The following KCTD8 variants were observed in gnomAD, a reference collection of about 807,000 sequenced individuals.
KCTD8 encodes the protein BTB/POZ domain-containing protein KCTD8.
KCTD8 carries 27 observed loss-of-function variants against 31.5 expected under a neutral mutation model. That is an observed-to-expected ratio of 0.86 (90% CI 0.63 to 1.18). KCTD8 has a LOEUF of 1.18. KCTD8 is among the 50% of genes most tolerant of loss of function. The probability of loss-of-function intolerance (pLI) is 0.00; values close to 1 mark genes in which losing one functional copy is unlikely to be tolerated. For missense variants in KCTD8, 658 were observed against 647.7 expected (o/e 1.02, Z -0.17); for synonymous variants, 290 against 280.0 (o/e 1.04, Z -0.36).
intron 1 of KCTD8, among the ~76,000 whole-genome samples, chr4:44,290,141 A>G (rs1332717215): frequency 6.6e-6 from 1 of 152,128 alleles, no homozygotes; most frequent in Non-Finnish European, 1.5e-5. Context: ...CAAATGAAAA[A>G]CAATAAAGTG....
intron 1 of KCTD8, among the ~76,000 whole-genome samples, chr4:44,394,630 A>G (rs1720450723): frequency 6.6e-6 from 1 of 152,040 alleles, no homozygotes; most frequent in African/African-American, 2.4e-5. Context: ...ACCTCACTGA[A>G]TTCAAATCGG....
chr4:44,286,524 C>G (rs1288488270), intron 1 of KCTD8, among the ~76,000 whole-genome samples: 1 of 152,090 alleles, frequency 6.6e-6, no homozygotes, highest in African/African-American at 2.4e-5. Context: ...CCTTGTTTCT[C>G]ACTTATACAA....
intron 1 of KCTD8, among the ~76,000 whole-genome samples, chr4:44,307,613 T>C (rs559523336): frequency 1.1e-4 from 16 of 152,136 alleles, no homozygotes; most frequent in African/African-American, 3.9e-4. Flanking sequence ...TTTAAGTAGA[T>C]TTGGTCATAA....
intron 1 of KCTD8, among the ~76,000 whole-genome samples, chr4:44,252,937 T>G (rs987998826): frequency 1.3e-4 from 19 of 151,744 alleles, no homozygotes; most frequent in Non-Finnish European, 5.9e-5. Flanking sequence ...CTTAAAAACC[T>G]CCTTGGCCTA....
intron 1 of KCTD8, among the ~76,000 whole-genome samples, chr4:44,294,177 A>T (rs1342000965): frequency 6.6e-6 from 1 of 152,206 alleles, no homozygotes; most frequent in East Asian, 1.9e-4. Context: ...AAAGGGGAAG[A>T]TAAACAATCA....
chr4:44,344,706 C>T (rs1718996487), intron 1 of KCTD8, among the ~76,000 whole-genome samples: 1 of 152,148 alleles, frequency 6.6e-6, no homozygotes, highest in African/African-American at 2.4e-5. Flanking sequence ...GGTATTCTGA[C>T]ATAATGGCCA....
chr4:44,400,489 G>C (rs1221028475), intron 1 of KCTD8, among the ~76,000 whole-genome samples: 1 of 151,886 alleles, frequency 6.6e-6, no homozygotes, highest in East Asian at 1.9e-4. Context: ...AACACTTTGG[G>C]AGGCCGTGGT....
At chr4:44,249,399 T>C (rs1426682991) in intron 1 of KCTD8, among the ~76,000 whole-genome samples, 1 of 151,844 alleles carries the variant, frequency 6.6e-6, no homozygotes, top group African/African-American at 2.4e-5. Flanking sequence ...TAAAATATTT[T>C]AATTTTTAGG....
chr4:44,419,894 C>G (rs551020611), intron 1 of KCTD8, among the ~76,000 whole-genome samples: 4 of 151,438 alleles, frequency 2.6e-5, no homozygotes, highest in African/African-American at 9.7e-5. Flanking sequence ...AAGAAAGGAA[C>G]CTTTCAAGCT....
chr4:44,404,804 T>C (rs927696392), intron 1 of KCTD8, among the ~76,000 whole-genome samples: 19 of 152,196 alleles, frequency 1.2e-4, no homozygotes, highest in Admixed American at 1.2e-3. Flanking sequence ...TAAAATCGTA[T>C]AAAAGTAATG....
intron 1 of KCTD8, among the ~76,000 whole-genome samples, chr4:44,347,302 T>C (rs1719059567): frequency 6.6e-6 from 1 of 152,196 alleles, no homozygotes; most frequent in Non-Finnish European, 1.5e-5. Flanking sequence ...GGTTGGAACA[T>C]GGGCTTTGGG....
chr4:44,318,893 G>C (rs771261482), intron 1 of KCTD8, among the ~76,000 whole-genome samples: 1 of 152,116 alleles, frequency 6.6e-6, no homozygotes, highest in East Asian at 1.9e-4. Flanking sequence ...AAGAGTGACA[G>C]GGAATACTTT....
chr4:44,275,037 A>G (rs1716713847), intron 1 of KCTD8, among the ~76,000 whole-genome samples: 1 of 151,952 alleles, frequency 6.6e-6, no homozygotes, highest in South Asian at 2.1e-4. Context: ...ATATGTCTTG[A>G]TGGTAACTTA....
chr4:44,178,941 T>C (rs1159414588), intron 1 of KCTD8, among the ~76,000 whole-genome samples: 1 of 152,176 alleles, frequency 6.6e-6, no homozygotes, highest in African/African-American at 2.4e-5. Flanking sequence ...CCAGACATAG[T>C]GCTAGGTTCT....
intron 1 of KCTD8, among the ~76,000 whole-genome samples, chr4:44,377,806 G>A (rs1719953050): frequency 2.0e-5 from 3 of 152,120 alleles, no homozygotes; most frequent in African/African-American, 7.2e-5. Context: ...GTTATCTCAA[G>A]GATCTGTAAG....
chr4:44,182,752 C>A (rs1175901809), intron 1 of KCTD8, among the ~76,000 whole-genome samples: 3 of 151,896 alleles, frequency 2.0e-5, no homozygotes, highest in African/African-American at 7.3e-5. Context: ...CTGCCAAATC[C>A]CCCTCTGCAA....
At chr4:44,188,644 T>A (rs1713666454) in intron 1 of KCTD8, among the ~76,000 whole-genome samples, 1 of 152,078 alleles carries the variant, frequency 6.6e-6, no homozygotes, top group African/African-American at 2.4e-5. Context: ...GATGGTGAAA[T>A]TATTCTGGAT....
chr4:44,272,688 AT>A (rs1433719405), intron 1 of KCTD8, among the ~76,000 whole-genome samples: 9 of 152,174 alleles, frequency 5.9e-5, no homozygotes, highest in Non-Finnish European at 1.2e-4. Context: ...TAAAAGATTG[AT>A]TCAACAGATC....
chr4:44,354,376 C>T lies in KCTD8; in HGVS notation c.961+93187G>A, dbSNP rs116670573. On this transcript the variant is annotated intron_variant, in intron 1 of 1. Coordinates refer to ENST00000360029, the MANE Select transcript of KCTD8 (RefSeq NM_198353.3). ...TTCACACCAGGGAAACTGGATGACTCTTCCCTAAATATAGCACAAAGTCTC... is the reference window on the plus strand; with the variant it reads ...TTCACACCAGGGAAACTGGATGACTTTTCCCTAAATATAGCACAAAGTCTC... Among the ~76,000 whole-genome samples, 170 of 152,252 alleles carry T rather than the reference C, an allele frequency of 1.1e-3. 1 individual carries two copies. Among genetic ancestry groups the T allele is most frequent in the African/African-American group, 4.0e-3 (165 of 41,570 alleles).
Sources: allele counts gnomAD v4.1 joint callset (sites outside exome capture counted in the v4.1 genomes callset), GRCh38; gene constraint gnomAD v4.1.1; transcripts MANE v1.5; gene names NCBI Gene and HGNC (gene_info 2026-07-23, HGNC 2026-07-21).